Variants in NCOR2 observed in about 807,000 individuals in gnomAD.
The protein encoded by NCOR2 is CTG repeat protein 26.
NCOR2 carries 81 observed loss-of-function variants against 262.9 expected under a neutral mutation model. The observed-to-expected ratio is 0.31, with a 90% confidence interval of 0.26 to 0.37. The LOEUF (loss-of-function observed/expected upper bound fraction) is 0.37. NCOR2 is among the 10% of genes least tolerant of loss of function. The pLI is 1.00. For synonymous variants in NCOR2, 1,659 were observed against 1,559.3 expected (o/e 1.06, Z -1.51); for missense variants, 3,385 against 3,621.4 (o/e 0.93, Z 1.68).
At chr12:124,519,121 CACACACACACAG>C (rs2050028737) in intron 1 of NCOR2, among the ~76,000 whole-genome samples, 1 of 151,686 alleles carries the variant, frequency 6.6e-6, no homozygotes, top group South Asian at 2.1e-4. Flanking sequence ...CACACACACA[CACACACACACAG>C]GCCAACAATG....
chr12:124,333,445 CATTTTT>C (rs1056751990), intron 41 of NCOR2, among the ~76,000 whole-genome samples, 166 bp from the exon 44 acceptor site: 4 of 152,102 alleles, frequency 2.6e-5, no homozygotes, highest in East Asian at 1.9e-4. Flanking sequence ...GTATCGTTAT[CATTTTT>C]ATTTTTTTTT....
At chr12:124,356,552 C>T (rs2037970886) in intron 23 of NCOR2, 90 bp downstream of exon 25, 1 of 1,154,540 alleles carries the variant, frequency 8.7e-7, no homozygotes, top group African/African-American at 1.6e-5. Context: ...CTTTAAGATG[C>T]TTCTGTGTGC....
intron 14 of NCOR2, among the ~76,000 whole-genome samples, chr12:124,401,655 C>T (rs1261712391): frequency 6.6e-6 from 1 of 152,256 alleles, no homozygotes; most frequent in Non-Finnish European, 1.5e-5. Context: ...TGCTCACAAC[C>T]TCGATACCCG....
chr12:124,348,569 C>A, intron 28 of NCOR2: 1 of 524,660 alleles, frequency 1.9e-6, no homozygotes, highest in Non-Finnish European at 3.3e-6. Flanking sequence ...ACCCTGTACC[C>A]TAGCCCTCCA....
chr12:124,335,623 C>T, exon 39 of NCOR2: 1 of 1,600,918 alleles, frequency 6.2e-7, no homozygotes. Flanking sequence ...GTAGCTGCTG[C>T]CGTGGTAACC....
At chr12:124,437,898 G>C in intron 8 of NCOR2, 32 bp downstream of exon 10, 1 of 1,599,054 alleles carries the variant, frequency 6.3e-7, no homozygotes, top group Non-Finnish European at 8.5e-7. Flanking sequence ...AGATCTCAAG[G>C]AAAGCTGATG....
intron 32 of NCOR2, among the ~76,000 whole-genome samples, chr12:124,343,555 AGAGACAGGT>A (rs1338378958): frequency 6.6e-6 from 1 of 152,216 alleles, no homozygotes; most frequent in Non-Finnish European, 1.5e-5. Context: ...ATTCAATGCG[AGAGACAGGT>A]GATAAACTAG....
rs1213993536 is a variant in NCOR2, at chr12:124,566,942, G to T, written c.-165+366C>A. On this transcript the variant is annotated intron_variant, in intron 1 of 32. Transcript: ENST00000458234. This position sits in a 1 kb window ranked among gnomAD's most constrained non-coding sequence, Gnocchi z 4.3. ...ATAAGGCGCAGTGTCGCCCCGCCAG[G>T]TCCGGGGCTACACCGGGTACAAGGG... is the stretch of plus-strand genomic sequence containing the variant. 6.6e-6 allele frequency among the ~76,000 whole-genome samples: 1 copy of T among 152,168 alleles called. No individual in the cohort carries two copies. Among genetic ancestry groups the T allele is most frequent in the African/African-American group, 2.4e-5 (1 of 41,452 alleles).
At chr12:124,461,883 G>A (rs566569517) in intron 5 of NCOR2, among the ~76,000 whole-genome samples, 6 of 152,212 alleles carry the variant, frequency 3.9e-5, no homozygotes, top group Non-Finnish European at 5.9e-5. Flanking sequence ...ACGCACCCAC[G>A]TGTGTATGCA....
Position 124,344,624 on chromosome 12 carries a change from G to A in NCOR2, c.4687C>T (p.Arg1563Trp), listed in dbSNP as rs1197943035. Reference sequence around the variant, plus strand: ...TCCTGCAGGCGCGGCGTGGGCTCCCGCGTGGTCACGGGCGAACCTCGTGGG... The same window carrying A: ...TCCTGCAGGCGCGGCGTGGGCTCCCACGTGGTCACGGGCGAACCTCGTGGG... The change falls in exon 32 of 47, where the codon CGG (arginine) becomes TGG (tryptophan). Residue 1563 changes from arginine to tryptophan, a missense_variant. Coordinates refer to ENST00000405201, the Ensembl canonical transcript of NCOR2. 4.1e-6 allele frequency: 6 copies of A among 1,463,428 alleles called. No individual in the cohort carries two copies. The highest frequency in any genetic ancestry group is 2.5e-5 in the East Asian group (1 of 39,904). 90.7% of individuals were successfully genotyped at this position (1,463,428 alleles called of 1,614,324 possible).
intron 3 of NCOR2, among the ~76,000 whole-genome samples, chr12:124,474,305 G>A (rs1416907822): frequency 6.6e-6 from 1 of 152,230 alleles, no homozygotes; most frequent in Non-Finnish European, 1.5e-5. Context: ...TAAGCTAAAA[G>A]GAGTTATCTC....
intron 20 of NCOR2, among the ~76,000 whole-genome samples, chr12:124,366,938 A>T (rs2039085600): frequency 1.3e-5 from 2 of 152,174 alleles, no homozygotes; most frequent in African/African-American, 2.4e-5. Context: ...TATCAGCTGT[A>T]TTTTCTCTAT....
chr12:124,426,894 T>G, intron 10 of NCOR2, 94 bp from the exon 13 acceptor site: 1 of 1,256,656 alleles, frequency 8.0e-7, no homozygotes, highest in Non-Finnish European at 1.1e-6. Context: ...GGACGGATGG[T>G]CTGCGCCAGA....
At chr12:124,327,422 T>A (rs779110000) in exon 45 of NCOR2, 1 of 1,609,338 alleles carries the variant, frequency 6.2e-7, no homozygotes, top group Non-Finnish European at 8.5e-7. Flanking sequence ...GCGAGGTGAG[T>A]GTGTGGTCAC....
At chr12:124,373,827 T>C (rs2950605) in intron 19 of NCOR2, among the ~76,000 whole-genome samples, 6,720 of 8,572 alleles carry the variant, frequency 0.78, 3,053 homozygotes, top group Non-Finnish European at 0.91. Flanking sequence ...GCAGGGGCCC[T>C]GGGCACGGTG....
At chr12:124,385,923 G>A in intron 16 of NCOR2, 36 bp from the exon 19 acceptor site, 1 of 1,601,316 alleles carries the variant, frequency 6.2e-7, no homozygotes, top group Non-Finnish European at 8.5e-7. Flanking sequence ...GAAGAGGCCA[G>A]GCCCGGCACG....
rs1394414773 is a variant in NCOR2 at position 124,430,883 on chromosome 12, CGT to C, written c.883-98_883-97del. ...TCACATGCAGGCAGACACACAGGTG[CGT>C]GCGCACACACACAAAGTCACACAGG... is the stretch of plus-strand genomic sequence containing the variant. On this transcript the variant is annotated intron_variant, in intron 8 of 46. Transcript: ENST00000405201. 4.2e-6 allele frequency: 6 copies of C among 1,435,270 alleles called. No homozygotes were observed. The African/African-American group carries it at 5.7e-5, about 14-fold the overall frequency. 88.9% of individuals were successfully genotyped at this position (1,435,270 alleles called of 1,614,324 possible). A position where few individuals can be genotyped will look rare whatever the true frequency, so the allele number is the denominator to read the frequency against.
intron 31 of NCOR2, among the ~76,000 whole-genome samples, 165 bp from the exon 34 acceptor site, chr12:124,345,116 C>T (rs1222082400): frequency 6.6e-6 from 1 of 152,176 alleles, no homozygotes; most frequent in African/African-American, 2.4e-5. Flanking sequence ...TGAGATGGCA[C>T]ACTTGTTACT....
At chr12:124,464,481 A>T (rs1249384069) in intron 5 of NCOR2, among the ~76,000 whole-genome samples, 1 of 152,258 alleles carries the variant, frequency 6.6e-6, no homozygotes, top group Non-Finnish European at 1.5e-5. Context: ...CTTGCTCTGC[A>T]ATCTCAGGGA....
Sources: allele counts gnomAD v4.1 joint callset (sites outside exome capture counted in the v4.1 genomes callset), GRCh38; gene constraint gnomAD v4.1.1; non-coding constraint Gnocchi (gnomAD v3.1); transcripts MANE v1.5; gene names NCBI Gene and HGNC (gene_info 2026-07-23, HGNC 2026-07-21).